GABRB3: variants seen among roughly 807,000 people sequenced by gnomAD.
The protein encoded by GABRB3 is gamma-aminobutyric acid receptor subunit beta-3.
In GABRB3, 14 loss-of-function variants were observed where a neutral mutation model predicts 52.1. That is an observed-to-expected ratio of 0.27 (90% CI 0.18 to 0.42). The LOEUF is 0.42. Ranked by LOEUF, GABRB3 falls within the 10% of genes least tolerant of loss-of-function variation. GABRB3 has a pLI of 1.00. For missense variants in GABRB3, 307 were observed against 609.1 expected, an observed-to-expected ratio of 0.50 and a Z score of 5.22; for synonymous variants, 260 against 232.3, an observed-to-expected ratio of 1.12 and a Z score of -1.08.
At chr15:26,619,448 C>T (rs1479420733) in intron 4 of GABRB3, among the ~76,000 whole-genome samples, 1 of 143,360 alleles carries the variant, frequency 7.0e-6, no homozygotes, top group Admixed American at 7.6e-5. Context: ...TATTCTTACT[C>T]ACAGGTGGAA....
At chr15:26,576,105 T>G (rs1353313611) in intron 6 of GABRB3, among the ~76,000 whole-genome samples, 1 of 152,254 alleles carries the variant, frequency 6.6e-6, no homozygotes, top group East Asian at 1.9e-4. Flanking sequence ...TTCACAGTGA[T>G]ATTTGAGGAG....
chr15:26,603,290 TG>T (rs1891654909), intron 4 of GABRB3, among the ~76,000 whole-genome samples: 1 of 151,948 alleles, frequency 6.6e-6, no homozygotes, highest in Non-Finnish European at 1.5e-5. Flanking sequence ...AAGAAAAGCC[TG>T]GGACCCAATG....
intron 3 of GABRB3, among the ~76,000 whole-genome samples, chr15:26,678,379 A>T (rs2140642951): frequency 6.6e-6 from 1 of 152,344 alleles, no homozygotes; most frequent in Non-Finnish European, 1.5e-5. Context: ...GGCCTTCAGC[A>T]AGCACGGTGT....
upstream of GABRB3, chr15:26,773,163 C>T (rs1217463669): frequency 4.6e-5 from 12 of 260,240 alleles, no homozygotes; most frequent in South Asian, 1.3e-4. Context: ...CGCGCGCGGG[C>T]GCGGGGCGGG....
intron 4 of GABRB3, among the ~76,000 whole-genome samples, chr15:26,618,205 C>T (rs998116139): frequency 1.3e-5 from 2 of 152,094 alleles, no homozygotes; most frequent in African/African-American, 4.8e-5. Context: ...CCCACATCGC[C>T]AAGTCAATCC....
intron 8 of GABRB3, among the ~76,000 whole-genome samples, chr15:26,560,505 G>A (rs1031848892): frequency 6.6e-6 from 1 of 152,154 alleles, no homozygotes; most frequent in African/African-American, 2.4e-5. Flanking sequence ...TGTTTTAAGG[G>A]GCTTACTGGT....
At chr15:26,562,475 C>A (rs1192542950) in intron 7 of GABRB3, among the ~76,000 whole-genome samples, 1 of 152,178 alleles carries the variant, frequency 6.6e-6, no homozygotes, top group Admixed American at 6.5e-5. Context: ...ACCCAAAACC[C>A]ACATGACATC....
chr15:26,556,628 G>A (rs1280740890), intron 8 of GABRB3, among the ~76,000 whole-genome samples: 2 of 152,144 alleles, frequency 1.3e-5, no homozygotes, highest in African/African-American at 4.8e-5. Context: ...TTAAGGTCAA[G>A]GCTTACATGG....
chr15:26,650,472 C>T (rs978146377), intron 3 of GABRB3, among the ~76,000 whole-genome samples: 4 of 152,016 alleles, frequency 2.6e-5, no homozygotes, highest in African/African-American at 9.7e-5. Flanking sequence ...ATCCCTCTGA[C>T]CTCAGAAGTA....
At chr15:26,556,941 G>T (rs1178557763) in intron 8 of GABRB3, among the ~76,000 whole-genome samples, 2 of 152,256 alleles carry the variant, frequency 1.3e-5, no homozygotes, top group African/African-American at 2.4e-5. Context: ...GCTGCTGGGT[G>T]TTGTTGGCCA....
At chr15:26,652,366 C>T (rs1471727657) in intron 3 of GABRB3, among the ~76,000 whole-genome samples, 1 of 152,192 alleles carries the variant, frequency 6.6e-6, no homozygotes, top group East Asian at 1.9e-4. Context: ...TACTCGGCAC[C>T]ATGGTCACTC....
At chr15:26,628,676 AAAAAAC>A (rs367886321) in intron 3 of GABRB3, among the ~76,000 whole-genome samples, 3 of 145,636 alleles carry the variant, frequency 2.1e-5, no homozygotes, top group African/African-American at 5.0e-5. Context: ...ATTTTCGCAA[AAAAAAC>A]AAAAAAACAA....
chr15:26,756,015 TAA>T (rs141104016), intron 3 of GABRB3, among the ~76,000 whole-genome samples: 1,836 of 152,292 alleles, frequency 0.012, 30 homozygotes, highest in African/African-American at 0.043. Flanking sequence ...ATCTATAATA[TAA>T]AGTTACATGT....
intron 3 of GABRB3, chr15:26,624,061 T>G: frequency 3.3e-6 from 1 of 304,006 alleles, no homozygotes; most frequent in Non-Finnish European, 4.8e-6. Context: ...GTAGAAGGGA[T>G]GGTGTGCAGA....
intron 8 of GABRB3, among the ~76,000 whole-genome samples, chr15:26,554,118 AGTGTGTGT>A (rs1383435138): frequency 3.4e-5 from 3 of 89,230 alleles, no homozygotes; most frequent in Admixed American, 2.8e-4. Context: ...ATATATATAA[AGTGTGTGT>A]GTATATATAT....
chr15:26,567,579 A>T lies in GABRB3; in HGVS notation c.835+2T>A, dbSNP rs1476676519. 1 of 1,613,418 alleles carries T rather than the reference A, an allele frequency of 6.2e-7. No homozygotes were observed. Among genetic ancestry groups the T allele is most frequent in the Non-Finnish European group, 8.5e-7 (1 of 1,179,912 alleles). On this transcript the variant is annotated splice_donor_variant, in intron 7 of 8. Coordinates refer to ENST00000311550, the MANE Select transcript of GABRB3 (RefSeq NM_000814.6). LOFTEE classifies it high-confidence loss of function. ...TAAATATCACTTAAAAATAGCACAT[A>T]CCGAGGGCAACTCTAGCAGCAGATG...
chr15:26,610,474 G>C (rs1004702357), intron 4 of GABRB3, among the ~76,000 whole-genome samples: 5 of 152,190 alleles, frequency 3.3e-5, no homozygotes, highest in African/African-American at 1.2e-4. Context: ...TTTGGTGGTT[G>C]ATTGTGTATG....
intron 8 of GABRB3, among the ~76,000 whole-genome samples, chr15:26,548,645 A>AC (rs1022082014): frequency 1.1e-4 from 16 of 151,880 alleles, no homozygotes; most frequent in African/African-American, 2.7e-4. Flanking sequence ...AGATACAGAC[A>AC]CCCCCCAACC....
intron 3 of GABRB3, among the ~76,000 whole-genome samples, chr15:26,641,246 A>G (rs935296490): frequency 1.3e-5 from 2 of 152,266 alleles, no homozygotes; most frequent in African/African-American, 2.4e-5. Flanking sequence ...CTTCTGACGC[A>G]GGACATGAGG....
Sources: allele counts gnomAD v4.1 joint callset (sites outside exome capture counted in the v4.1 genomes callset), GRCh38; gene constraint gnomAD v4.1.1; transcripts MANE v1.5; gene names NCBI Gene and HGNC (gene_info 2026-07-23, HGNC 2026-07-21).